Variants in MAP4 observed in about 807,000 individuals in gnomAD.
MAP4 encodes the protein microtubule associated protein 4.
A neutral mutation model predicts 170.2 loss-of-function variants in MAP4; 76 were observed. The observed-to-expected ratio is 0.45, with a 90% CI of 0.37 to 0.54. MAP4 has a LOEUF of 0.54. MAP4 is among the 20% of genes least tolerant of loss of function. The probability of loss-of-function intolerance (pLI) is 0.00; values close to 1 mark genes in which losing one functional copy is unlikely to be tolerated. For synonymous variants in MAP4, 909 were observed against 994.5 expected, an observed-to-expected ratio of 0.91 and a Z score of 1.62; for missense variants, 2,506 against 2,748.0, an observed-to-expected ratio of 0.91 and a Z score of 1.97.
chr3:47,887,623 C>T (rs2097826825), intron 10 of MAP4, among the ~76,000 whole-genome samples: 1 of 152,228 alleles, frequency 6.6e-6, no homozygotes, highest in Non-Finnish European at 1.5e-5. Flanking sequence ...CAGGCAGCTC[C>T]ACCTGCAGCC....
rs2100035376 is a variant in MAP4, at chr3:47,910,365, G to A, written c.4056C>T (p.Tyr1352=). ...EENKTDAANR[Y]TAVADKPSKR... is the part of the protein sequence containing the mutation. ...TACTTGGTTTGTCAGCCACTGCAGT[G>A]TATCTATTGGCTGCATCTGTCTTAT... Residue 1352 remains tyrosine (Y), a synonymous_variant, in exon 9 of 21, where the codon TAC becomes TAT. Transcript: ENST00000683076. The A allele has an allele frequency of 6.5e-7, 1 of 1,538,172 alleles. No individual in the cohort carries two copies. Among genetic ancestry groups the A allele is most frequent in the Non-Finnish European group, 8.7e-7 (1 of 1,147,278 alleles).
chr3:47,910,363 G>T lies in MAP4; in HGVS notation c.4058C>A (p.Thr1353Asn). The part of the protein sequence containing the change: ...ENKTDAANRY[T>N]AVADKPSKRS... ...TTTACTTGGTTTGTCAGCCACTGCA[G>T]TGTATCTATTGGCTGCATCTGTCTT... Residue 1353 changes from threonine (T) to asparagine (N), a missense_variant, in exon 9 of 21, where the codon ACT (threonine) becomes AAT (asparagine). Thr to Asn is a moderately conservative substitution (Grantham distance 65). This residue lies in a region of MAP4 where 2,008 missense variants were observed against 2,206.0 expected (regional missense o/e 0.91). Coordinates refer to ENST00000683076, the MANE Select transcript of MAP4 (RefSeq NM_001385682.1). 1 of 1,538,538 alleles carries T rather than the reference G, an allele frequency of 6.5e-7. No homozygotes were observed. The highest frequency in any genetic ancestry group is 8.7e-7 in the Non-Finnish European group (1 of 1,147,402).
chr3:48,086,789 G>A (rs1459943064), intron 1 of MAP4, among the ~76,000 whole-genome samples: 1 of 152,144 alleles, frequency 6.6e-6, no homozygotes, highest in East Asian at 1.9e-4. Flanking sequence ...AAATCCAATT[G>A]TGCACATGGC....
At chr3:48,028,729 G>A (rs1269727840) in intron 1 of MAP4, among the ~76,000 whole-genome samples, 6 of 151,244 alleles carry the variant, frequency 4.0e-5, no homozygotes, top group African/African-American at 1.2e-4. Context: ...CCAAGATTGC[G>A]CCACTGCACT....
chr3:48,009,535 C>T (rs527527155), intron 1 of MAP4, among the ~76,000 whole-genome samples: 92 of 152,332 alleles, frequency 6.0e-4, no homozygotes, highest in African/African-American at 2.1e-3. Context: ...CCATGCTCTC[C>T]ATCATCCTAA....
chr3:47,927,829 A>G (rs1219731773), intron 4 of MAP4, among the ~76,000 whole-genome samples: 1 of 152,188 alleles, frequency 6.6e-6, no homozygotes, highest in Non-Finnish European at 1.5e-5. Context: ...CTGTCAAAAG[A>G]GGATACATAT....
rs376892942 is a variant in MAP4 at position 47,915,698 on chromosome 3, C to T, written c.1876+253G>A. On this transcript the variant is annotated intron_variant, in intron 7 of 20. Coordinates refer to ENST00000683076, the MANE Select transcript of MAP4 (RefSeq NM_001385682.1). ...GGTAGATAATGGAATAGAAGTTTGT[C>T]GATGTTCTATTTTATTGCTTGACTT... 4.1e-4 allele frequency among the ~76,000 whole-genome samples: 62 copies of T among 152,158 alleles called. No individual in the cohort carries two copies. In the East Asian group the frequency reaches 5.4e-3, roughly 13 times the overall value.
intron 10 of MAP4, among the ~76,000 whole-genome samples, chr3:47,878,567 T>C (rs1251898462): frequency 6.6e-6 from 1 of 152,150 alleles, no homozygotes; most frequent in Admixed American, 6.5e-5. Flanking sequence ...TGAGACAAAG[T>C]CTTGATCTGT....
At chr3:47,883,908 C>T (rs1418934310) in intron 10 of MAP4, among the ~76,000 whole-genome samples, 1 of 151,822 alleles carries the variant, frequency 6.6e-6, no homozygotes, top group African/African-American at 2.4e-5. Flanking sequence ...TATCTCTTTG[C>T]TTTTTTTACA....
intron 3 of MAP4, among the ~76,000 whole-genome samples, chr3:47,933,358 G>A (rs2100050951): frequency 1.3e-5 from 2 of 152,072 alleles, no homozygotes; most frequent in Non-Finnish European, 1.5e-5. Flanking sequence ...TTTCGACTCC[G>A]TAATTTTACT....
intron 3 of MAP4, chr3:47,975,511 G>C: frequency 8.1e-7 from 1 of 1,239,530 alleles, no homozygotes; most frequent in Non-Finnish European, 1.2e-6. Context: ...GGAAGGGGAA[G>C]AAAAGGGTGG....
chr3:47,883,614 G>A (rs1398961953), intron 10 of MAP4, among the ~76,000 whole-genome samples: 1 of 152,064 alleles, frequency 6.6e-6, no homozygotes, highest in Non-Finnish European at 1.5e-5. Flanking sequence ...TTTTTGGAGA[G>A]CCTCCTTTAG....
upstream of MAP4, among the ~76,000 whole-genome samples, chr3:48,017,484 CTTTTTTTTT>C (rs555856378): frequency 7.2e-6 from 1 of 138,548 alleles, no homozygotes; most frequent in African/African-American, 2.6e-5. Context: ...TTTCTTTTTT[CTTTTTTTTT>C]TTTTTTGTAA....
In MAP4 at chr3:47,852,798, G is replaced by A. The variant is rs2045271143; in HGVS notation, c.*136C>T. ...CGCCCAAGCGCTCACTGGTCTAGTG[G>A]ACAGCCCGGGAAAGGGGGCCAAGGA... On this transcript the variant is annotated 3_prime_UTR_variant, in exon 21 of 21. Transcript: ENST00000683076. 1 of 1,548,952 alleles carries A rather than the reference G, an allele frequency of 6.5e-7. No individual in the cohort carries two copies.
chr3:47,988,528 C>A (rs1019376850), intron 2 of MAP4, among the ~76,000 whole-genome samples: 2 of 152,044 alleles, frequency 1.3e-5, no homozygotes, highest in Non-Finnish European at 2.9e-5. Flanking sequence ...TGAATATGAA[C>A]AGGAGAGCAA....
chr3:47,965,953 C>A (rs2100074627), intron 3 of MAP4, among the ~76,000 whole-genome samples: 1 of 152,074 alleles, frequency 6.6e-6, no homozygotes, highest in African/African-American at 2.4e-5. Context: ...ACTGCCAAAT[C>A]CAATGTCATG....
chr3:48,040,755 G>T (rs928545149), intron 1 of MAP4, among the ~76,000 whole-genome samples: 4 of 151,854 alleles, frequency 2.6e-5, no homozygotes, highest in African/African-American at 9.7e-5. Context: ...GTAGAGACGG[G>T]GTTTCACCAA....
chr3:48,025,342 G>A (rs1020063727), intron 1 of MAP4, among the ~76,000 whole-genome samples: 1 of 148,752 alleles, frequency 6.7e-6, no homozygotes, highest in Non-Finnish European at 1.5e-5. Context: ...AGGCTAGAGT[G>A]CAATGGTGCG....
At chr3:47,962,217 T>C (rs1271234818) in intron 3 of MAP4, among the ~76,000 whole-genome samples, 1 of 152,252 alleles carries the variant, frequency 6.6e-6, no homozygotes, top group African/African-American at 2.4e-5. Context: ...ACACTGCCTA[T>C]GGGTTAGCCC....
Sources: allele counts gnomAD v4.1 joint callset (sites outside exome capture counted in the v4.1 genomes callset), GRCh38; gene constraint gnomAD v4.1.1; regional missense constraint gnomAD v4.1.1; transcripts MANE v1.5; gene names NCBI Gene and HGNC (gene_info 2026-07-23, HGNC 2026-07-21).